Variants in SUGCT observed in about 807,000 individuals in gnomAD.
SUGCT encodes succinyl-CoA:glutarate CoA-transferase.
SUGCT carries 41 observed loss-of-function variants against 55.0 expected under a neutral mutation model. The observed-to-expected ratio is 0.74, with a 90% CI of 0.58 to 0.97. SUGCT has a LOEUF of 0.97. SUGCT is among the 50% of genes least tolerant of loss of function. The pLI is 0.00. For missense variants in SUGCT, 568 were observed against 547.8 expected, an observed-to-expected ratio of 1.04 and a Z score of -0.37; for synonymous variants, 187 against 200.4, an observed-to-expected ratio of 0.93 and a Z score of 0.56.
intron 12 of SUGCT, among the ~76,000 whole-genome samples, chr7:40,497,749 C>T (rs1792062327): frequency 1.3e-5 from 2 of 152,032 alleles, no homozygotes; most frequent in Admixed American, 1.3e-4. Context: ...TTTGAGGGTA[C>T]ATTTTTCTGG....
At chr7:40,718,939 G>T (rs905823112) in intron 12 of SUGCT, among the ~76,000 whole-genome samples, 1 of 152,278 alleles carries the variant, frequency 6.6e-6, no homozygotes, top group African/African-American at 2.4e-5. Flanking sequence ...CTTAAAAAAG[G>T]TAACTGAATA....
chr7:40,213,586 C>T (rs757006091), intron 6 of SUGCT, among the ~76,000 whole-genome samples: 14 of 152,154 alleles, frequency 9.2e-5, no homozygotes, highest in Non-Finnish European at 1.8e-4. Context: ...TCTTGGAACT[C>T]AAGTTCAGCC....
chr7:40,380,169 C>T (rs986666700), intron 9 of SUGCT, among the ~76,000 whole-genome samples: 1 of 152,158 alleles, frequency 6.6e-6, no homozygotes, highest in Non-Finnish European at 1.5e-5. Flanking sequence ...TCAGTGTCTT[C>T]TAGTGGCTGG....
chr7:40,156,388 G>A (rs1368190879), intron 1 of SUGCT, among the ~76,000 whole-genome samples: 3 of 152,130 alleles, frequency 2.0e-5, no homozygotes, highest in Non-Finnish European at 4.4e-5. Context: ...GCGTGAACCC[G>A]GGAGGTGGAG....
intron 9 of SUGCT, among the ~76,000 whole-genome samples, chr7:40,407,002 C>G (rs1036535306): frequency 6.6e-6 from 1 of 151,644 alleles, no homozygotes; most frequent in Non-Finnish European, 1.5e-5. Context: ...AAACAAGTTT[C>G]GAAATAAAGT....
chr7:40,766,333 C>G (rs1232285206), intron 13 of SUGCT, among the ~76,000 whole-genome samples: 1 of 152,162 alleles, frequency 6.6e-6, no homozygotes, highest in Non-Finnish European at 1.5e-5. Context: ...ACCTCAGCCT[C>G]CTGAGTAGCT....
At chr7:41,017,690 G>A in the SUGCT span, among the ~76,000 whole-genome samples, 2 of 149,926 alleles carry the variant, frequency 1.3e-5, no homozygotes, top group African/African-American at 4.9e-5. Context: ...AGAATGGCGT[G>A]AACCCTGGAG....
chr7:40,153,370 G>A (rs565882509), intron 1 of SUGCT: 176 of 360,074 alleles, frequency 4.9e-4, no homozygotes, highest in Non-Finnish European at 8.0e-4. Context: ...TTCTGGGGGT[G>A]ATGTTTAAGG....
At chr7:40,988,668 G>A in the SUGCT span, among the ~76,000 whole-genome samples, 1 of 151,998 alleles carries the variant, frequency 6.6e-6, no homozygotes, top group African/African-American at 2.4e-5. Flanking sequence ...TTATCGTAGA[G>A]AAAAGAATCA....
At chr7:40,999,490 G>C in the SUGCT span, among the ~76,000 whole-genome samples, 1 of 152,164 alleles carries the variant, frequency 6.6e-6, no homozygotes, top group Non-Finnish European at 1.5e-5. Context: ...CTATTCATTA[G>C]GAGACTGTAG....
intron 12 of SUGCT, among the ~76,000 whole-genome samples, chr7:40,691,756 G>C (rs1784709382): frequency 6.6e-6 from 1 of 152,036 alleles, no homozygotes. Flanking sequence ...CCTAAAACTT[G>C]TCTTAGAATT....
intron 1 of SUGCT, among the ~76,000 whole-genome samples, chr7:40,136,849 T>C (rs1306219829): frequency 1.3e-5 from 2 of 152,050 alleles, no homozygotes; most frequent in Non-Finnish European, 2.9e-5. Flanking sequence ...CAAAAAAAAT[T>C]AGCCGGGCTT....
chr7:40,681,492 T>C (rs1206264243), intron 12 of SUGCT, among the ~76,000 whole-genome samples: 1 of 152,112 alleles, frequency 6.6e-6, no homozygotes, highest in Non-Finnish European at 1.5e-5. Flanking sequence ...TAAGACCAGA[T>C]ACCACACCGA....
At chr7:40,354,800 A>T (rs983312194) in intron 9 of SUGCT, among the ~76,000 whole-genome samples, 23 of 152,232 alleles carry the variant, frequency 1.5e-4, no homozygotes, top group Non-Finnish European at 3.1e-4. Flanking sequence ...GTAGCAGGAG[A>T]TGAGGCTGGA....
chr7:41,030,562 T>G, the SUGCT span, among the ~76,000 whole-genome samples: 1 of 152,348 alleles, frequency 6.6e-6, no homozygotes, highest in African/African-American at 2.4e-5. Context: ...CTTTACATTT[T>G]CCTGCTGAGA....
At chr7:40,825,941 T>C (rs534605839) in intron 13 of SUGCT, among the ~76,000 whole-genome samples, 10 of 152,372 alleles carry the variant, frequency 6.6e-5, no homozygotes, top group African/African-American at 2.4e-4. Context: ...ATTTATAATA[T>C]GCATGTTACA....
intron 10 of SUGCT, among the ~76,000 whole-genome samples, chr7:40,454,443 G>C (rs1583719457): frequency 6.6e-6 from 1 of 152,132 alleles, no homozygotes; most frequent in Non-Finnish European, 1.5e-5. Context: ...ATATCATAGA[G>C]TGTACTTACA....
intron 12 of SUGCT, among the ~76,000 whole-genome samples, chr7:40,651,665 G>C (rs191642527): frequency 6.6e-6 from 1 of 151,936 alleles, no homozygotes; most frequent in African/African-American, 2.4e-5. Context: ...ATCTTTGATT[G>C]TTGCTACTTT....
chr7:40,318,894 A>G (rs1795576009), intron 9 of SUGCT, among the ~76,000 whole-genome samples: 1 of 152,238 alleles, frequency 6.6e-6, no homozygotes. Flanking sequence ...ACATCATTTT[A>G]AAAAGCTTTA....
Sources: allele counts gnomAD v4.1 joint callset (sites outside exome capture counted in the v4.1 genomes callset), GRCh38; gene constraint gnomAD v4.1.1; transcripts MANE v1.5; gene names NCBI Gene and HGNC (gene_info 2026-07-23, HGNC 2026-07-21).